LYPD3: variants seen among roughly 807,000 people sequenced by gnomAD.
LYPD3 encodes LY6/PLAUR domain containing 3.
In LYPD3, 22 loss-of-function variants were observed where a neutral mutation model predicts 21.7. The observed-to-expected ratio is 1.01, with a 90% CI of 0.72 to 1.45. The LOEUF (loss-of-function observed/expected upper bound fraction) is 1.45. LYPD3 is among the 40% of genes most tolerant of loss of function. The pLI is 0.00. For missense variants in LYPD3, 471 were observed against 466.9 expected (o/e 1.01, Z -0.08); for synonymous variants, 179 against 203.0 (o/e 0.88, Z 1.00).
In LYPD3 at chr19:43,465,600, C is replaced by A; in HGVS notation, c.-29G>T. 2.5e-6 allele frequency: 4 copies of A among 1,599,886 alleles called. No individual in the cohort carries two copies. The highest frequency in any genetic ancestry group is 2.2e-5 in the South Asian group (2 of 90,634). The stretch of plus-strand genomic sequence containing the variant: ...TCCGTCCTGCTCCCTTGGCGTCCCC[C>A]CTGGATGTGCCGCCTCCGAGCTCGG... On this transcript the variant is annotated 5_prime_UTR_variant, in exon 1 of 5. Coordinates refer to ENST00000244333, the MANE Select transcript of LYPD3 (RefSeq NM_014400.3).
chr19:43,465,530 C>G lies in LYPD3; in HGVS notation c.42G>C (p.Trp14Cys), dbSNP rs1296808576. 6.2e-7 allele frequency: 1 copy of G among 1,610,580 alleles called. No individual in the cohort carries two copies. The highest frequency in any genetic ancestry group is 1.3e-5 in the African/African-American group (1 of 74,944). Reference sequence around the variant, plus strand: ...GCAGCAGCAGCAGCCAGCCTGCAGTCCAGATCATGGCCTGGGCACCTGCTT... The same window carrying G: ...GCAGCAGCAGCAGCCAGCCTGCAGTGCAGATCATGGCCTGGGCACCTGCTT... ...ARKAGAQAMI[W>C]TAGWLLLLLL... The change falls in exon 1 of 5, where the codon TGG (tryptophan) becomes TGC (cysteine). Residue 14 changes from tryptophan to cysteine, a missense_variant. By Grantham distance (215) the Trp-to-Cys change is radical. Transcript: ENST00000244333.
chr19:43,461,934 A>G, intron 4 of LYPD3, 87 bp from the exon 5 acceptor site: 2 of 1,451,000 alleles, frequency 1.4e-6, no homozygotes, highest in Non-Finnish European at 1.9e-6. Context: ...TCAGACAAGA[A>G]CAGAGAACCT....
Position 43,461,692 on chromosome 19 carries a change from G to A in LYPD3, c.700C>T (p.Arg234Ter), listed in dbSNP as rs137963990. Residue 234 changes from arginine (R) to a stop codon, truncating the protein, a stop_gained, in exon 5 of 5, where the codon CGA (arginine) becomes TGA (stop). Transcript: ENST00000244333. LOFTEE classifies it low-confidence loss of function (END_TRUNC). ...DLRNKTYFSP[R>*]IPPLVRLPPP... ...GGCAGCCGGACAAGGGGTGGGATTC[G>A]AGGGGAGAAGTAGGTCTTGTTGCGG... 36 of 1,614,010 alleles carry A rather than the reference G, an allele frequency of 2.2e-5. No individual in the cohort carries two copies. Among genetic ancestry groups the A allele is most frequent in the African/African-American group, 2.7e-5 (2 of 74,896 alleles).
Position 43,463,675 on chromosome 19 carries a change from G to T in LYPD3, c.306C>A (p.Phe102Leu). 1 of 1,611,048 alleles carries T rather than the reference G, an allele frequency of 6.2e-7. No homozygotes were observed. ...CCTGAGCGCATTGCTGCAGCTGGAT[G>T]AACGCCAGAAGCCCGTGAAGATCCA... ...RGLDLHGLLA[F>L]IQLQQCAQDR... is the part of the protein sequence containing the mutation. Residue 102 changes from phenylalanine to leucine, a missense_variant, in exon 3 of 5, where the codon TTC becomes TTA. Transcript: ENST00000244333.
chr19:43,465,437 C>T, intron 1 of LYPD3, 56 bp downstream of exon 1: 3 of 1,581,518 alleles, frequency 1.9e-6, no homozygotes, highest in South Asian at 1.1e-5. Flanking sequence ...CCAGAGGAGC[C>T]TCCTCCCTAA....
At position 43,463,125 on chromosome 19, in the gene LYPD3, C is replaced by T; in HGVS notation, c.544+1G>A. On this transcript the variant is annotated splice_donor_variant, in intron 4 of 4. Coordinates refer to ENST00000244333, the MANE Select transcript of LYPD3 (RefSeq NM_014400.3). LOFTEE classifies it high-confidence loss of function. ...GGTCCCGTGCTCCGGGGCTCCCTCA[C>T]CTGCCGTCAAGGTGACGTTGCCGTC... 1.9e-6 allele frequency: 3 copies of T among 1,611,756 alleles called. No homozygotes were observed. The highest frequency in any genetic ancestry group is 2.5e-6 in the Non-Finnish European group (3 of 1,179,960).
intron 2 of LYPD3, 30 bp downstream of exon 2, chr19:43,464,295 G>A: frequency 3.8e-6 from 6 of 1,578,314 alleles, no homozygotes; most frequent in Non-Finnish European, 5.2e-6. Context: ...AGCCTGCAGT[G>A]GTGTGCGTGG....
Position 43,465,510 on chromosome 19 carries a change from A to G in LYPD3, c.62T>C (p.Leu21Pro). Residue 21 changes from leucine (L) to proline (P), a missense_variant, in exon 1 of 5, where the codon CTG becomes CCG. By Grantham distance (98) the Leu-to-Pro change is moderately conservative (BLOSUM62 -3). Transcript: ENST00000244333. ...AMIWTAGWLL[L>P]LLLRGGAQAL... The stretch of plus-strand genomic sequence containing the variant: ...AGACCCACCTCCGCGAAGCAGCAGC[A>G]GCAGCAGCCAGCCTGCAGTCCAGAT... 1 of 1,609,970 alleles carries G rather than the reference A, an allele frequency of 6.2e-7. No homozygotes were observed. Among genetic ancestry groups the G allele is most frequent in the South Asian group, 1.1e-5 (1 of 91,080 alleles).
At chr19:43,464,048 G>C in intron 2 of LYPD3, 1 of 613,158 alleles carries the variant, frequency 1.6e-6, no homozygotes, top group Non-Finnish European at 2.9e-6. Context: ...AGGTCTCATT[G>C]GTGGAGCAGA....
chr19:43,463,572 C>T, intron 3 of LYPD3, 27 bp downstream of exon 3: 1 of 1,596,702 alleles, frequency 6.3e-7, no homozygotes, highest in Non-Finnish European at 8.5e-7. Flanking sequence ...GCTCCGCCCC[C>T]GCAGCTACGG....
At position 43,461,388 on chromosome 19, in the gene LYPD3, G is replaced by C. The variant is rs1335422138; in HGVS notation, c.1004C>G (p.Ala335Gly). ...GCVAPTAGLA[A>G]LLLAVAAGVL... ...ACCAGCAGCCACGGCCAACAGAAGG[G>C]CTGCCAATCCAGCTGTGGGAGCCAC... is the stretch of plus-strand genomic sequence containing the variant. The change falls in exon 5 of 5, where the codon GCC (alanine) becomes GGC (glycine). Residue 335 changes from alanine to glycine, a missense_variant. Ala to Gly is a moderately conservative substitution (Grantham distance 60). Coordinates refer to ENST00000244333, the MANE Select transcript of LYPD3 (RefSeq NM_014400.3). 1 of 1,610,098 alleles carries C rather than the reference G, an allele frequency of 6.2e-7. No individual in the cohort carries two copies.
rs1970788500 is a variant in LYPD3, at chr19:43,463,137, G to T, written c.533C>A (p.Thr178Asn). ...VYKGCFDGNV[T>N]LTAANVTVSL... Reference sequence around the variant, plus strand: ...CGGGGCTCCCTCACCTGCCGTCAAGGTGACGTTGCCGTCGAAGCAGCCCTT... The same window carrying T: ...CGGGGCTCCCTCACCTGCCGTCAAGTTGACGTTGCCGTCGAAGCAGCCCTT... Residue 178 changes from threonine to asparagine, a missense_variant, in exon 4 of 5, where the codon ACC (threonine) becomes AAC (asparagine). Transcript: ENST00000244333. 2 of 1,611,928 alleles carry T rather than the reference G, an allele frequency of 1.2e-6. No individual in the cohort carries two copies. The highest frequency in any genetic ancestry group is 2.7e-5 in the African/African-American group (2 of 74,938).
chr19:43,461,679 A>G lies in LYPD3; in HGVS notation c.713T>C (p.Leu238Pro), dbSNP rs1379671280. The G allele has an allele frequency of 1.2e-6, 2 of 1,614,030 alleles. No homozygotes were observed. Among genetic ancestry groups the G allele is most frequent in the Admixed American group, 3.3e-5 (2 of 60,000 alleles). Residue 238 changes from leucine to proline, a missense_variant, in exon 5 of 5, where the codon CTT becomes CCT. Physicochemically the swap from Leu to Pro is moderately conservative, Grantham distance 98. Transcript: ENST00000244333. The stretch of plus-strand genomic sequence containing the variant: ...GGGCTCTGGAGGGGGCAGCCGGACA[A>G]GGGGTGGGATTCGAGGGGAGAAGTA... ...KTYFSPRIPP[L>P]VRLPPPEPTT...
At chr19:43,463,919 A>G in intron 2 of LYPD3, 150 bp from the exon 3 acceptor site, 2 of 811,738 alleles carry the variant, frequency 2.5e-6, no homozygotes, top group Non-Finnish European at 2.0e-6. Flanking sequence ...GACGCCCCCA[A>G]AGAGCCGCTC....
intron 2 of LYPD3, 99 bp downstream of exon 2, chr19:43,464,226 G>C (rs1599922953): frequency 1.4e-6 from 2 of 1,469,950 alleles, no homozygotes; most frequent in East Asian, 2.5e-5. Context: ...GTGGGGCCGC[G>C]TTAAAGGGGC....
rs372034768 is a variant in LYPD3 at position 43,461,762 on chromosome 19, C to T, written c.630G>A (p.Thr210=). 14 of 1,614,148 alleles carry T rather than the reference C, an allele frequency of 8.7e-6. No homozygotes were observed. Among genetic ancestry groups the T allele is most frequent in the Non-Finnish European group, 1.1e-5 (13 of 1,180,034 alleles). The change falls in exon 5 of 5, where the codon ACG becomes ACA. Residue 210 remains threonine (T), a synonymous_variant. Coordinates refer to ENST00000244333, the MANE Select transcript of LYPD3 (RefSeq NM_014400.3). ...ACCCCTGGCAACAGGAGCCACTGAG[C>T]GTGAACCCTGGGCCTGTTACTCCAT... ...TRDGVTGPGF[T]LSGSCCQGSR...
At position 43,463,581 on chromosome 19, in the gene LYPD3, G is replaced by C. The variant is rs769573424; in HGVS notation, c.382+18C>G. On this transcript the variant is annotated intron_variant, in intron 3 of 4. Transcript: ENST00000244333. ...AATGTGGCTCCGCCCCCGCAGCTAC[G>C]GCCCGGCCCCCACGGACCTGCCGGG... 1 of 1,598,170 alleles carries C rather than the reference G, an allele frequency of 6.3e-7. No homozygotes were observed. The highest frequency in any genetic ancestry group is 1.3e-5 in the African/African-American group (1 of 74,988).
chr19:43,464,609 A>C (rs1220143916), intron 1 of LYPD3, among the ~76,000 whole-genome samples, 153 bp from the exon 2 acceptor site: 1 of 152,266 alleles, frequency 6.6e-6, no homozygotes, highest in East Asian at 1.9e-4. Context: ...CTTTCCACAA[A>C]TCTGGAAGCA....
rs1157407695 is a variant in LYPD3 at position 43,463,657 on chromosome 19, G to C, written c.324C>G (p.Cys108Trp). The change falls in exon 3 of 5, where the codon TGC becomes TGG. Residue 108 changes from cysteine to tryptophan, a missense_variant. Coordinates refer to ENST00000244333, the MANE Select transcript of LYPD3 (RefSeq NM_014400.3). ...GCTTGGCGTTGCAGCGATCCTGAGC[G>C]CATTGCTGCAGCTGGATGAACGCCA... ...GLLAFIQLQQCAQDRCNAKLN... is the reference protein window; with the variant it reads ...GLLAFIQLQQWAQDRCNAKLN... 1 of 1,608,636 alleles carries C rather than the reference G, an allele frequency of 6.2e-7. No homozygotes were observed. Among genetic ancestry groups the C allele is most frequent in the African/African-American group, 1.3e-5 (1 of 74,942 alleles).
Sources: allele counts gnomAD v4.1 joint callset (sites outside exome capture counted in the v4.1 genomes callset), GRCh38; gene constraint gnomAD v4.1.1; transcripts MANE v1.5; gene names NCBI Gene and HGNC (gene_info 2026-07-23, HGNC 2026-07-21).